The following AIG1 variants were observed in gnomAD, a reference collection of about 807,000 sequenced individuals.
AIG1 encodes androgen-induced gene 1 protein.
Under a neutral mutation model 31.4 loss-of-function variants are expected in AIG1, and 23 were observed. The ratio of observed to expected loss-of-function variants is 0.73; its 90% confidence interval spans 0.53 to 1.04. The LOEUF is 1.04. Ranked by LOEUF, AIG1 falls within the 50% of genes least tolerant of loss-of-function variation. AIG1 has a pLI of 0.00. For synonymous variants in AIG1, 100 were observed against 110.5 expected (o/e 0.90, Z 0.60); for missense variants, 274 against 295.0 (o/e 0.93, Z 0.52).
At chr6:143,166,180 C>A (rs1465891347) in intron 3 of AIG1, among the ~76,000 whole-genome samples, 2 of 152,144 alleles carry the variant, frequency 1.3e-5, no homozygotes, top group East Asian at 3.8e-4. Flanking sequence ...TAAGCCAATT[C>A]ATCAAAAGTG....
intron 4 of AIG1, among the ~76,000 whole-genome samples, chr6:143,302,342 T>C (rs1405541883): frequency 1.3e-5 from 2 of 151,988 alleles, no homozygotes; most frequent in East Asian, 1.9e-4. Context: ...CATTTAGCAT[T>C]AGGTATATCT....
chr6:143,129,285 C>T lies in AIG1; in HGVS notation c.142-7550C>T, dbSNP rs1215311239. On this transcript the variant is annotated intron_variant, in intron 1 of 5. Coordinates refer to ENST00000357847, the MANE Select transcript of AIG1 (RefSeq NM_016108.4). ...CAGCCTGGGCAACATAGTGAGACTCCGTCTCAAAAAAAATAAAAAAAGAAA... is the reference window on the plus strand; with the variant it reads ...CAGCCTGGGCAACATAGTGAGACTCTGTCTCAAAAAAAATAAAAAAAGAAA... Among the ~76,000 whole-genome samples the T allele has an allele frequency of 4.0e-5, 6 of 151,836 alleles. No homozygotes were observed. In the East Asian group the frequency reaches 5.8e-4, roughly 15 times the overall value.
chr6:143,199,933 A>C (rs1268958109), intron 3 of AIG1, among the ~76,000 whole-genome samples: 1 of 152,210 alleles, frequency 6.6e-6, no homozygotes, highest in Non-Finnish European at 1.5e-5. Flanking sequence ...GGCTTTTGAC[A>C]GATGGAAGTG....
intron 3 of AIG1, 91 bp downstream of exon 3, chr6:143,165,274 C>A: frequency 9.9e-7 from 1 of 1,008,260 alleles, no homozygotes. Flanking sequence ...TAGAATTTGC[C>A]TAAAAAGCCA....
At position 143,100,005 on chromosome 6, in the gene AIG1, T is replaced by A. The variant is rs1345038197; in HGVS notation, c.142-36830T>A. On this transcript the variant is annotated intron_variant, in intron 1 of 5. Coordinates refer to ENST00000357847, the MANE Select transcript of AIG1 (RefSeq NM_016108.4). ...AAATTCAGCCACAGTTGAATTTCAT[T>A]CAAGTACGGTTTTGTTTGCTTGCCA... Among the ~76,000 whole-genome samples the A allele has an allele frequency of 2.0e-5, 3 of 152,240 alleles. No homozygotes were observed. The South Asian group carries it at 6.2e-4, about 32-fold the overall frequency.
chr6:143,238,310 T>C (rs571214432), intron 3 of AIG1, among the ~76,000 whole-genome samples: 1 of 152,354 alleles, frequency 6.6e-6, no homozygotes, highest in African/African-American at 2.4e-5. Flanking sequence ...TATGGTCTCC[T>C]GTCCACAAAA....
At chr6:143,071,962 A>G (rs182421012) in intron 1 of AIG1, among the ~76,000 whole-genome samples, 2,733 of 148,460 alleles carry the variant, frequency 0.018, 84 homozygotes, top group African/African-American at 0.064. Flanking sequence ...TTTTTTTTAA[A>G]TTTTTTTTTT....
At chr6:143,343,113 G>A (rs1777887771), downstream of AIG1, 4 of 767,630 alleles carry the variant, frequency 5.2e-6, 1 homozygote, top group East Asian at 9.8e-5. Flanking sequence ...TCCGCACTAA[G>A]ATCCCAGAAG....
chr6:143,083,884 GT>G, intron 1 of AIG1, among the ~76,000 whole-genome samples: 1 of 152,332 alleles, frequency 6.6e-6, no homozygotes, highest in East Asian at 1.9e-4. Flanking sequence ...CTTCTCCTAT[GT>G]TCAGGTGTCT....
At chr6:143,343,571 A>G (rs1221650862), downstream of AIG1, among the ~76,000 whole-genome samples, 1 of 152,190 alleles carries the variant, frequency 6.6e-6, no homozygotes, top group Non-Finnish European at 1.5e-5. Flanking sequence ...TTGTGACGTA[A>G]AGGTTTACAT....
intron 3 of AIG1, among the ~76,000 whole-genome samples, chr6:143,174,486 CAA>C (rs71024844): frequency 2.8e-4 from 17 of 59,654 alleles, no homozygotes; most frequent in East Asian, 1.2e-3. Context: ...GACTCCGTCT[CAA>C]AAAAAAAAAA....
At chr6:143,296,886 T>A (rs1798463452) in intron 4 of AIG1, among the ~76,000 whole-genome samples, 1 of 152,210 alleles carries the variant, frequency 6.6e-6, no homozygotes, top group East Asian at 1.9e-4. Flanking sequence ...TTCTGAAAGA[T>A]CTGGGTACAT....
At chr6:143,062,708 G>T (rs763645611) in intron 1 of AIG1, among the ~76,000 whole-genome samples, 11 of 152,144 alleles carry the variant, frequency 7.2e-5, no homozygotes, top group Non-Finnish European at 1.6e-4. Context: ...CCCATAGAGC[G>T]CCAGAAAGAT....
rs1176306382 is a variant in AIG1, at chr6:143,256,265, T to C, written c.400-27845T>C. ...ACAACTGGCTGGGAAATGGACACTA[T>C]GATTAAAATCTAAGGAAAATTAGGA... is the stretch of plus-strand genomic sequence containing the variant. On this transcript the variant is annotated intron_variant, in intron 3 of 5. Coordinates refer to ENST00000357847, the MANE Select transcript of AIG1 (RefSeq NM_016108.4). The surrounding 1 kb of genome is among the most constrained non-coding windows in gnomAD (Gnocchi z 4.6). 6.6e-6 allele frequency among the ~76,000 whole-genome samples: 1 copy of C among 152,210 alleles called. No homozygotes were observed. The highest frequency in any genetic ancestry group is 2.4e-5 in the African/African-American group (1 of 41,452).
intron 4 of AIG1, among the ~76,000 whole-genome samples, chr6:143,319,244 A>G (rs983477988): frequency 2.6e-5 from 4 of 152,190 alleles, no homozygotes; most frequent in East Asian, 3.8e-4. Context: ...ATCAATCAAC[A>G]AGTGGATAAA....
intron 3 of AIG1, among the ~76,000 whole-genome samples, chr6:143,199,468 G>A (rs1190381060): frequency 6.6e-6 from 1 of 152,090 alleles, no homozygotes; most frequent in African/African-American, 2.4e-5. Flanking sequence ...CTACTTTTAT[G>A]TGTATTTGAA....
Position 143,060,895 on chromosome 6 carries a change from G to A in AIG1, c.-31G>A, listed in dbSNP as rs780125985. The A allele has an allele frequency of 2.2e-5, 32 of 1,433,762 alleles. No individual in the cohort carries two copies. Among genetic ancestry groups the A allele is most frequent in the Admixed American group, 4.2e-5 (2 of 47,510 alleles). 88.8% of individuals were successfully genotyped at this position (1,433,762 alleles called of 1,614,324 possible). A position where few individuals can be genotyped will look rare whatever the true frequency, so the allele number is the denominator to read the frequency against. The stretch of plus-strand genomic sequence containing the variant: ...CGCCTCCCTCACGCCCGCCCTCCTT[G>A]CCGCCCAGCCGGTCCAGGCCTCTGG... On this transcript the variant is annotated 5_prime_UTR_variant, in exon 1 of 6. Coordinates refer to ENST00000357847, the MANE Select transcript of AIG1 (RefSeq NM_016108.4).
At chr6:143,239,209 G>A (rs144296939) in intron 3 of AIG1, among the ~76,000 whole-genome samples, 22 of 152,262 alleles carry the variant, frequency 1.4e-4, no homozygotes, top group African/African-American at 4.8e-4. Context: ...GATGTATAGC[G>A]GAAATGACAT....
At chr6:143,317,735 C>G (rs1223364000) in intron 4 of AIG1, among the ~76,000 whole-genome samples, 1 of 151,646 alleles carries the variant, frequency 6.6e-6, no homozygotes, top group East Asian at 2.0e-4. Flanking sequence ...GATTGTATAC[C>G]TAGAAAACCT....
Sources: allele counts gnomAD v4.1 joint callset (sites outside exome capture counted in the v4.1 genomes callset), GRCh38; gene constraint gnomAD v4.1.1; non-coding constraint Gnocchi (gnomAD v3.1); transcripts MANE v1.5; gene names NCBI Gene and HGNC (gene_info 2026-07-23, HGNC 2026-07-21).